Variants in RAPH1 observed in about 807,000 individuals in gnomAD.
RAPH1 encodes the protein Ras association (RalGDS/AF-6) and pleckstrin homology domains 1.
A neutral mutation model predicts 88.1 loss-of-function variants in RAPH1; 18 were observed. The observed-to-expected ratio is 0.20, with a 90% CI of 0.14 to 0.30. The LOEUF is 0.30. RAPH1 is among the 10% of genes least tolerant of loss of function. The pLI, the probability that RAPH1 is intolerant of heterozygous loss-of-function variation, is 1.00. For synonymous variants in RAPH1, 587 were observed against 559.0 expected (o/e 1.05, Z -0.71); for missense variants, 1,448 against 1,543.2 (o/e 0.94, Z 1.03).
chr2:203,528,120 T>C (rs1043743646), intron 1 of RAPH1, among the ~76,000 whole-genome samples: 55 of 152,226 alleles, frequency 3.6e-4, no homozygotes, highest in African/African-American at 1.0e-3. Context: ...ATTTGCTGAA[T>C]TTCTGTTGTA....
chr2:203,499,262 C>T (rs973691506), intron 1 of RAPH1, among the ~76,000 whole-genome samples: 7 of 151,918 alleles, frequency 4.6e-5, no homozygotes, highest in East Asian at 1.9e-4. Flanking sequence ...CTACTACTGC[C>T]GACTTAAGGA....
rs2098497565 is a variant in RAPH1, at chr2:203,435,325, G to A, written c.*4112C>T. The A allele has an allele frequency of 6.7e-6, 1 of 149,240 alleles. No homozygotes were observed. Among genetic ancestry groups the A allele is most frequent in the East Asian group, 2.0e-4 (1 of 5,088 alleles). The allele number at this position is 149,240 out of a possible 1,614,324, so 9.2% of individuals were successfully genotyped here. ...GCAGGAAGATCACTTGTGGCCAGGA[G>A]TTTGAGACCAGCCTGGGCAACACAG... On this transcript the variant is annotated 3_prime_UTR_variant, in exon 14 of 14. Coordinates refer to ENST00000319170, the MANE Select transcript of RAPH1 (RefSeq NM_213589.3).
At chr2:203,445,142 T>C in intron 12 of RAPH1, 132 bp from the exon 13 acceptor site, 2 of 677,218 alleles carry the variant, frequency 3.0e-6, no homozygotes, top group Non-Finnish European at 4.6e-6. Context: ...TTTTACTCAT[T>C]TCATCATAAA....
intron 13 of RAPH1, 41 bp from the exon 14 acceptor site, chr2:203,441,454 CAACA>C (rs1311862896): frequency 6.0e-6 from 9 of 1,493,496 alleles, no homozygotes; most frequent in Admixed American, 2.5e-5. Context: ...GAGAAAAACA[CAACA>C]AACAAAACAG....
intron 1 of RAPH1, among the ~76,000 whole-genome samples, chr2:203,518,981 T>C (rs1689745825): frequency 6.6e-6 from 1 of 152,250 alleles, no homozygotes; most frequent in Admixed American, 6.5e-5. Context: ...AATAGGCCTG[T>C]ACCTACTAAA....
At chr2:203,482,082 T>C (rs1687756418) in intron 4 of RAPH1, among the ~76,000 whole-genome samples, 2 of 151,990 alleles carry the variant, frequency 1.3e-5, no homozygotes, top group African/African-American at 4.8e-5. Context: ...GTGCCAGTGA[T>C]TATTGGGGGG....
chr2:203,456,961 C>G (rs994109691), intron 8 of RAPH1, among the ~76,000 whole-genome samples: 2 of 152,150 alleles, frequency 1.3e-5, no homozygotes, highest in Non-Finnish European at 2.9e-5. Context: ...CCAGCCACCT[C>G]TCCCACTTGG....
At position 203,455,468 on chromosome 2, in the gene RAPH1, C is replaced by T. The variant is rs754904769; in HGVS notation, c.1271G>A (p.Gly424Asp). ...KKRYFLLRASGIYYVPKGKAK... is the reference protein window; with the variant it reads ...KKRYFLLRASDIYYVPKGKAK... ...TTTTCCTTTGGGAACATAGTAGATA[C>T]CAGATGCTCGCAAGAGAAAATAACG... The change falls in exon 9 of 14, where the codon GGT (glycine) becomes GAT (aspartate). Residue 424 changes from glycine to aspartate, a missense_variant. By Grantham distance (94) the Gly-to-Asp change is moderately conservative (BLOSUM62 -1). Around this residue, in one of 2 missense-constraint regions of RAPH1, gnomAD observed 513 missense variants for 653.1 expected, o/e 0.79. Transcript: ENST00000319170. The T allele has an allele frequency of 3.7e-6, 6 of 1,613,934 alleles. No homozygotes were observed. Among genetic ancestry groups the T allele is most frequent in the Non-Finnish European group, 5.1e-6 (6 of 1,179,904 alleles).
At chr2:203,483,374 A>C (rs1278062497) in intron 4 of RAPH1, among the ~76,000 whole-genome samples, 1 of 152,200 alleles carries the variant, frequency 6.6e-6, no homozygotes, top group African/African-American at 2.4e-5. Context: ...AGATAAGGCC[A>C]ACAGAATTTG....
At chr2:203,506,556 G>A (rs1012418264) in intron 1 of RAPH1, among the ~76,000 whole-genome samples, 3 of 150,770 alleles carry the variant, frequency 2.0e-5, no homozygotes, top group Admixed American at 6.6e-5. Context: ...AAAACAAGAT[G>A]AGCCTCTAGA....
At position 203,434,160 on chromosome 2, in the gene RAPH1, C is replaced by T. The variant is rs145648108; in HGVS notation, c.*5277G>A. 93 of 152,182 alleles carry T rather than the reference C, an allele frequency of 6.1e-4. No individual in the cohort carries two copies. The highest frequency in any genetic ancestry group is 1.0e-3 in the Non-Finnish European group (71 of 67,964). 9.4% of individuals were successfully genotyped at this position (152,182 alleles called of 1,614,324 possible). A position where few individuals can be genotyped will look rare whatever the true frequency, so the allele number is the denominator to read the frequency against. On this transcript the variant is annotated 3_prime_UTR_variant, in exon 14 of 14. Coordinates refer to ENST00000319170, the MANE Select transcript of RAPH1 (RefSeq NM_213589.3). ...GAAGAAAATAATAGCAACAAAGCTGCGAGAAAAATTGTAACTTCATCTTCA... is the reference window on the plus strand; with the variant it reads ...GAAGAAAATAATAGCAACAAAGCTGTGAGAAAAATTGTAACTTCATCTTCA...
At chr2:203,473,966 C>T (rs1177631672) in intron 4 of RAPH1, among the ~76,000 whole-genome samples, 1 of 152,140 alleles carries the variant, frequency 6.6e-6, no homozygotes, top group Non-Finnish European at 1.5e-5. Context: ...GCATTCCTTG[C>T]CTCACAGAAT....
intron 4 of RAPH1, among the ~76,000 whole-genome samples, chr2:203,486,932 T>C (rs914775354): frequency 2.0e-5 from 3 of 152,172 alleles, no homozygotes; most frequent in African/African-American, 4.8e-5. Context: ...TCACCAAACC[T>C]TACATTAAAC....
intron 1 of RAPH1, among the ~76,000 whole-genome samples, chr2:203,498,893 T>C (rs1211764743): frequency 6.6e-6 from 1 of 152,196 alleles, no homozygotes; most frequent in African/African-American, 2.4e-5. Context: ...GTCCCATAAG[T>C]ATTTTTACTG....
rs534728614 is a variant in RAPH1, at chr2:203,466,837, ATGAT to A, written c.733-4916_733-4913del. On this transcript the variant is annotated intron_variant, in intron 4 of 13. Coordinates refer to ENST00000319170, the MANE Select transcript of RAPH1 (RefSeq NM_213589.3). ...AAGACAAAAACTAGGTGAAGATCCT[ATGAT>A]TAAATGAAAGCCAACACTGTGGCTA... Among the ~76,000 whole-genome samples, 14 of 152,348 alleles carry A rather than the reference ATGAT, an allele frequency of 9.2e-5. No homozygotes were observed. The South Asian group carries it at 2.9e-3, about 32-fold the overall frequency.
chr2:203,512,355 C>CAAA (rs371978714), intron 1 of RAPH1, among the ~76,000 whole-genome samples: 12 of 103,592 alleles, frequency 1.2e-4, no homozygotes, highest in South Asian at 3.7e-4. Context: ...GACTCTGTCT[C>CAAA]AAAAAAAAAA....
At chr2:203,484,393 T>C (rs1051057665) in intron 4 of RAPH1, among the ~76,000 whole-genome samples, 1 of 152,200 alleles carries the variant, frequency 6.6e-6, no homozygotes, top group Non-Finnish European at 1.5e-5. Context: ...TGGGCTGTCC[T>C]GTGCACTGTA....
intron 8 of RAPH1, among the ~76,000 whole-genome samples, chr2:203,456,599 G>A (rs2098519788): frequency 6.6e-6 from 1 of 152,086 alleles, no homozygotes; most frequent in Non-Finnish European, 1.5e-5. Context: ...TAGGACATTT[G>A]GGCCTAAATT....
intron 1 of RAPH1, among the ~76,000 whole-genome samples, chr2:203,496,699 A>G (rs1426664699): frequency 1.3e-5 from 2 of 152,226 alleles, no homozygotes; most frequent in African/African-American, 4.8e-5. Flanking sequence ...ATAGTTACTG[A>G]CTAAAATCTG....
Sources: gnomAD v4.1 joint callset for allele counts (sites outside exome capture counted in the v4.1 genomes callset) on GRCh38, gnomAD v4.1.1 for gene constraint, gnomAD v4.1.1 regional missense constraint, MANE v1.5 for transcripts, NCBI Gene and HGNC (gene_info 2026-07-23, HGNC 2026-07-21) for gene names.